CACNG5: variants seen among roughly 807,000 people sequenced by gnomAD.
CACNG5 encodes the protein voltage-dependent calcium channel gamma-5 subunit.
A neutral mutation model predicts 24.8 loss-of-function variants in CACNG5; 18 were observed. The ratio of observed to expected loss-of-function variants is 0.73; its 90% CI spans 0.50 to 1.08. CACNG5 has a LOEUF of 1.08. Ranked by LOEUF, CACNG5 falls within the 50% of genes least tolerant of loss-of-function variation. The probability of loss-of-function intolerance (pLI) is 0.00; values close to 1 mark genes in which losing one functional copy is unlikely to be tolerated. For missense variants in CACNG5, 349 were observed against 367.9 expected, an observed-to-expected ratio of 0.95 and a Z score of 0.42; for synonymous variants, 157 against 149.1, an observed-to-expected ratio of 1.05 and a Z score of -0.39.
Position 66,893,034 on chromosome 17 carries a change from T to C in CACNG5, c.*7794T>C, listed in dbSNP as rs1304165358. Among the ~76,000 whole-genome samples, 1 of 152,146 alleles carries C rather than the reference T, an allele frequency of 6.6e-6. No homozygotes were observed. Among genetic ancestry groups the C allele is most frequent in the Admixed American group, 6.5e-5 (1 of 15,278 alleles). On this transcript the variant is annotated 3_prime_UTR_variant, in exon 6 of 6. Coordinates refer to ENST00000533854, the MANE Select transcript of CACNG5 (RefSeq NM_145811.3). ...AGTCCTTATCAGAGTCCTTGGCACA[T>C]AATAGGTATTTTGCAAGCATTATCT... is the stretch of plus-strand genomic sequence containing the variant.
intron 1 of CACNG5, among the ~76,000 whole-genome samples, chr17:66,855,587 G>C (rs761738461): frequency 6.6e-6 from 1 of 152,218 alleles, no homozygotes; most frequent in African/African-American, 2.4e-5. Flanking sequence ...GCAGTGTTGC[G>C]ATCTCGGTTC....
chr17:66,858,118 T>C (rs1372967304), intron 1 of CACNG5, among the ~76,000 whole-genome samples: 2 of 152,010 alleles, frequency 1.3e-5, no homozygotes, highest in Non-Finnish European at 2.9e-5. Flanking sequence ...TTCTGGGAGG[T>C]TCTGGGCTTT....
intron 1 of CACNG5, among the ~76,000 whole-genome samples, chr17:66,871,246 T>C (rs1977003221): frequency 6.6e-6 from 1 of 152,212 alleles, no homozygotes; most frequent in Non-Finnish European, 1.5e-5. Context: ...ACTGAGTCAC[T>C]GGACAAGCTC....
intron 4 of CACNG5, among the ~76,000 whole-genome samples, chr17:66,881,576 C>T (rs1977158498): frequency 6.6e-6 from 1 of 152,126 alleles, no homozygotes; most frequent in Non-Finnish European, 1.5e-5. Context: ...TCTTCCAGGC[C>T]TTATTCTGGC....
At chr17:66,862,937 T>C (rs1976885402) in intron 1 of CACNG5, among the ~76,000 whole-genome samples, 1 of 151,308 alleles carries the variant, frequency 6.6e-6, no homozygotes, top group African/African-American at 2.4e-5. Flanking sequence ...TGTGTGTGTG[T>C]GTCTCAGTCT....
At chr17:66,882,123 C>G (rs903765147) in intron 4 of CACNG5, among the ~76,000 whole-genome samples, 2 of 152,054 alleles carry the variant, frequency 1.3e-5, no homozygotes, top group Non-Finnish European at 2.9e-5. Flanking sequence ...ATGGCCCAAA[C>G]AGGGGGTTGA....
chr17:66,851,003 T>C (rs975450550), intron 1 of CACNG5, among the ~76,000 whole-genome samples: 1 of 152,048 alleles, frequency 6.6e-6, no homozygotes, highest in Admixed American at 6.5e-5. Flanking sequence ...TGCCTACCCA[T>C]GGACTGTAAA....
intron 3 of CACNG5, among the ~76,000 whole-genome samples, chr17:66,879,528 C>G (rs890183455): frequency 1.3e-5 from 2 of 152,178 alleles, no homozygotes; most frequent in African/African-American, 4.8e-5. Flanking sequence ...AATATGGGAG[C>G]TCCCATAACT....
intron 5 of CACNG5, 139 bp from the exon 6 acceptor site, chr17:66,884,844 C>G (rs774037949): frequency 1.4e-5 from 22 of 1,613,204 alleles, no homozygotes; most frequent in Non-Finnish European, 1.9e-5. Flanking sequence ...CTCCTCCGGC[C>G]AGGATGTCCC....
chr17:66,891,405 A>G lies in CACNG5; in HGVS notation c.*6165A>G, dbSNP rs1679348380. Among the ~76,000 whole-genome samples the G allele has an allele frequency of 1.3e-5, 2 of 152,220 alleles. No homozygotes were observed. On this transcript the variant is annotated 3_prime_UTR_variant, in exon 6 of 6. Transcript: ENST00000533854. ...GGGCTCAGCAAGGCAGTTCTCACTCAGGATCTCCCAGGCAGTTGGAGTCAG... is the reference window on the plus strand; with the variant it reads ...GGGCTCAGCAAGGCAGTTCTCACTCGGGATCTCCCAGGCAGTTGGAGTCAG...
At position 66,888,095 on chromosome 17, in the gene CACNG5, T is replaced by G. The variant is rs186578383; in HGVS notation, c.*2855T>G. 2.6e-3 allele frequency among the ~76,000 whole-genome samples: 391 copies of G among 152,162 alleles called. 2 individuals carry two copies. The highest frequency in any genetic ancestry group is 9.1e-3 in the African/African-American group (376 of 41,508). On this transcript the variant is annotated 3_prime_UTR_variant, in exon 6 of 6. Transcript: ENST00000533854. ...GACTAATAAACCCAAGTGTCATGAT[T>G]TATGGAATAAAATAACTTGGGGTAA...
At chr17:66,859,540 T>A (rs1298482197) in intron 1 of CACNG5, among the ~76,000 whole-genome samples, 1 of 152,100 alleles carries the variant, frequency 6.6e-6, no homozygotes, top group Admixed American at 6.6e-5. Context: ...CTTGTGAGAA[T>A]CCTCCTTGGG....
intron 1 of CACNG5, among the ~76,000 whole-genome samples, chr17:66,838,417 G>A (rs1257592421): frequency 6.6e-6 from 1 of 151,286 alleles, no homozygotes; most frequent in African/African-American, 2.4e-5. Context: ...AGCAGAAGGG[G>A]GGACAGAGGG....
chr17:66,859,050 T>G (rs1441578210), intron 1 of CACNG5, among the ~76,000 whole-genome samples: 3 of 152,142 alleles, frequency 2.0e-5, no homozygotes, highest in African/African-American at 7.2e-5. Context: ...AGGGACATGC[T>G]CCAACCCAGG....
chr17:66,862,914 G>C (rs1472311651), intron 1 of CACNG5, among the ~76,000 whole-genome samples: 5 of 151,236 alleles, frequency 3.3e-5, no homozygotes, highest in Non-Finnish European at 7.4e-5. Context: ...GTGTGTGTGT[G>C]TGTGTGTGTG....
chr17:66,880,332 G>A (rs1977138801), intron 3 of CACNG5, among the ~76,000 whole-genome samples: 1 of 152,194 alleles, frequency 6.6e-6, no homozygotes, highest in Admixed American at 6.5e-5. Context: ...CCCTGAAGAT[G>A]CTGGCACTTG....
intron 1 of CACNG5, among the ~76,000 whole-genome samples, chr17:66,862,173 C>G (rs1976870458): frequency 6.6e-6 from 1 of 151,980 alleles, no homozygotes; most frequent in Non-Finnish European, 1.5e-5. Flanking sequence ...GCAGAAAGCC[C>G]CAAGAAGCAG....
rs1228138095 is a variant in CACNG5 at position 66,884,526 on chromosome 17, C to A, written c.435C>A (p.Leu145=). 7 of 1,610,326 alleles carry A rather than the reference C, an allele frequency of 4.3e-6. No individual in the cohort carries two copies. Among genetic ancestry groups the A allele is most frequent in the Non-Finnish European group, 5.9e-6 (7 of 1,177,804 alleles). ...GIFFILSGLS[L]VVGLVLYISS... Reference sequence around the variant, plus strand: ...CTGCTGCCCAACCAGGCCTCTCTCTCGTGGTGGGCCTGGTGCTCTACATCT... The same window carrying A: ...CTGCTGCCCAACCAGGCCTCTCTCTAGTGGTGGGCCTGGTGCTCTACATCT... The change falls in exon 5 of 6, where the codon CTC becomes CTA. Residue 145 remains leucine, a synonymous_variant. Transcript: ENST00000533854.
chr17:66,877,664 G>A, intron 2 of CACNG5, 136 bp downstream of exon 2: 1 of 710,932 alleles, frequency 1.4e-6, no homozygotes, highest in East Asian at 2.7e-5. Context: ...TATGGCGGGT[G>A]GTGCTCCCTG....
Sources: allele counts gnomAD v4.1 joint callset (sites outside exome capture counted in the v4.1 genomes callset), GRCh38; gene constraint gnomAD v4.1.1; transcripts MANE v1.5; gene names NCBI Gene and HGNC (gene_info 2026-07-23, HGNC 2026-07-21).